Variants in MYO1E observed in about 807,000 individuals in gnomAD.
The protein encoded by MYO1E is unconventional myosin-Ie.
A neutral mutation model predicts 151.1 loss-of-function variants in MYO1E; 68 were observed. The ratio of observed to expected loss-of-function variants is 0.45; its 90% CI spans 0.37 to 0.55. The LOEUF is 0.55. MYO1E is among the 20% of genes least tolerant of loss of function. MYO1E has a pLI of 0.00. For missense variants in MYO1E, 1,363 were observed against 1,389.3 expected, an observed-to-expected ratio of 0.98 and a Z score of 0.30; for synonymous variants, 601 against 501.7, an observed-to-expected ratio of 1.20 and a Z score of -2.64.
chr15:59,154,280 G>A (rs1305339554), intron 25 of MYO1E, among the ~76,000 whole-genome samples: 8 of 152,210 alleles, frequency 5.3e-5, no homozygotes, highest in African/African-American at 1.9e-4. Flanking sequence ...TCAATCTTGG[G>A]CATCCACGGC....
chr15:59,234,243 TGGGTG>T (rs2080047736), intron 5 of MYO1E, among the ~76,000 whole-genome samples: 1 of 140,642 alleles, frequency 7.1e-6, no homozygotes, highest in African/African-American at 2.9e-5. Flanking sequence ...GATGGATGGA[TGGGTG>T]CATGGATGGA....
At chr15:59,176,340 G>A (rs1198754429) in intron 19 of MYO1E, among the ~76,000 whole-genome samples, 9 of 152,158 alleles carry the variant, frequency 5.9e-5, no homozygotes, top group African/African-American at 9.7e-5. Flanking sequence ...GATTACAGGC[G>A]TGAGCCACTG....
intron 1 of MYO1E, among the ~76,000 whole-genome samples, chr15:59,341,824 C>T (rs578201064): frequency 6.6e-6 from 1 of 152,290 alleles, no homozygotes; most frequent in South Asian, 2.1e-4. Context: ...CTAGGATAAA[C>T]ATGGGAGTGC....
At chr15:59,353,181 T>G (rs1226852312) in intron 1 of MYO1E, among the ~76,000 whole-genome samples, 1 of 151,780 alleles carries the variant, frequency 6.6e-6, no homozygotes, top group African/African-American at 2.4e-5. Context: ...AAATGTCTTG[T>G]TTATACTAAA....
intron 1 of MYO1E, among the ~76,000 whole-genome samples, chr15:59,332,826 G>A (rs1418001445): frequency 2.0e-5 from 3 of 151,982 alleles, no homozygotes; most frequent in African/African-American, 7.3e-5. Context: ...GCCGCCCAAA[G>A]TGTTGGGATT....
In MYO1E at chr15:59,272,216, G is replaced by A. The variant is rs554480054; in HGVS notation, c.147+90C>T. ...CTTCCAAAGTGCTGGGATTACACAC[G>A]TGAGCCACTGCACCCAGCATAAAGC... On this transcript the variant is annotated intron_variant, in intron 2 of 27. Coordinates refer to ENST00000288235, the MANE Select transcript of MYO1E (RefSeq NM_004998.4). The A allele has an allele frequency of 2.2e-5, 33 of 1,470,002 alleles. 1 individual carries two copies. In the Admixed American group the frequency reaches 2.7e-4, roughly 12 times the overall value. 91.1% of individuals were successfully genotyped at this position (1,470,002 alleles called of 1,614,324 possible).
At chr15:59,219,427 G>C (rs964090860) in intron 9 of MYO1E, among the ~76,000 whole-genome samples, 1 of 152,174 alleles carries the variant, frequency 6.6e-6, no homozygotes, top group Non-Finnish European at 1.5e-5. Flanking sequence ...AAGGCCTTAT[G>C]ATAATGCTAA....
chr15:59,272,895 T>G (rs1438191669), intron 1 of MYO1E, among the ~76,000 whole-genome samples: 4 of 152,204 alleles, frequency 2.6e-5, no homozygotes, highest in African/African-American at 9.7e-5. Flanking sequence ...AACTTTCTAG[T>G]CTTGTTTTGC....
chr15:59,308,909 G>A (rs2080532727), intron 1 of MYO1E, among the ~76,000 whole-genome samples: 1 of 151,848 alleles, frequency 6.6e-6, no homozygotes, highest in Non-Finnish European at 1.5e-5. Flanking sequence ...TAGCCCCAGA[G>A]AGGCAGAATT....
chr15:59,208,642 C>T, intron 14 of MYO1E, 39 bp downstream of exon 14: 1 of 1,612,632 alleles, frequency 6.2e-7, no homozygotes, highest in Non-Finnish European at 8.5e-7. Flanking sequence ...AACCCAAAGG[C>T]TTAAAACAGA....
At chr15:59,240,535 A>G (rs1275314916) in intron 4 of MYO1E, among the ~76,000 whole-genome samples, 1 of 152,244 alleles carries the variant, frequency 6.6e-6, no homozygotes, top group East Asian at 1.9e-4. Flanking sequence ...TCCTCACTTA[A>G]AAGTCAATAG....
At chr15:59,277,773 T>A (rs771497044) in intron 1 of MYO1E, among the ~76,000 whole-genome samples, 1 of 152,342 alleles carries the variant, frequency 6.6e-6, no homozygotes, top group African/African-American at 2.4e-5. Flanking sequence ...GGAACTTGCA[T>A]GTCCTGATAT....
At chr15:59,347,112 C>T (rs1179423969) in intron 1 of MYO1E, among the ~76,000 whole-genome samples, 1 of 152,176 alleles carries the variant, frequency 6.6e-6, no homozygotes, top group African/African-American at 2.4e-5. Context: ...CCCGTGCTGG[C>T]AGTGGCCTGT....
At chr15:59,304,169 G>C (rs772789850) in intron 1 of MYO1E, among the ~76,000 whole-genome samples, 11 of 152,032 alleles carry the variant, frequency 7.2e-5, no homozygotes, top group Non-Finnish European at 1.5e-4. Context: ...TTTTAGTAGA[G>C]ATGAGGTTTC....
chr15:59,221,376 A>C (rs1207293997), intron 9 of MYO1E, among the ~76,000 whole-genome samples: 1 of 152,080 alleles, frequency 6.6e-6, no homozygotes, highest in Non-Finnish European at 1.5e-5. Flanking sequence ...TATTGCACAA[A>C]AGTGAGAAAA....
At chr15:59,262,936 C>T (rs1596390071) in intron 2 of MYO1E, among the ~76,000 whole-genome samples, 1 of 151,756 alleles carries the variant, frequency 6.6e-6, no homozygotes, top group East Asian at 1.9e-4. Context: ...TTTAGATGCT[C>T]GGGATATGAC....
intron 7 of MYO1E, 84 bp downstream of exon 7, chr15:59,227,375 C>A: frequency 1.3e-6 from 2 of 1,554,740 alleles, no homozygotes; most frequent in East Asian, 2.3e-5. Context: ...GCTTCCTAGA[C>A]TATAGTCTAT....
At chr15:59,147,935 G>T (rs902272946) in intron 26 of MYO1E, among the ~76,000 whole-genome samples, 2 of 152,190 alleles carry the variant, frequency 1.3e-5, no homozygotes, top group African/African-American at 4.8e-5. Context: ...GCAGGCCAGA[G>T]ATTTGAGTTC....
In MYO1E at chr15:59,136,114, C is replaced by T. The variant is rs1365865323; in HGVS notation, c.*1266G>A. 1 of 152,578 alleles carries T rather than the reference C, an allele frequency of 6.6e-6. No homozygotes were observed. The highest frequency in any genetic ancestry group is 1.5e-5 in the Non-Finnish European group (1 of 68,314). 9.5% of individuals were successfully genotyped at this position (152,578 alleles called of 1,614,324 possible). A position where few individuals can be genotyped will look rare whatever the true frequency, so the allele number is the denominator to read the frequency against. Reference sequence around the variant, plus strand: ...GGGCTTGTGAATGGCTGTCTTCTCCCTGCCTTTTCACATGGTCTTTCCTCT... The same window carrying T: ...GGGCTTGTGAATGGCTGTCTTCTCCTTGCCTTTTCACATGGTCTTTCCTCT... On this transcript the variant is annotated 3_prime_UTR_variant, in exon 28 of 28. Transcript: ENST00000288235.
Sources: gnomAD v4.1 joint callset for allele counts (sites outside exome capture counted in the v4.1 genomes callset) on GRCh38, gnomAD v4.1.1 for gene constraint, MANE v1.5 for transcripts, NCBI Gene and HGNC (gene_info 2026-07-23, HGNC 2026-07-21) for gene names.